ARMC9: variants seen among roughly 807,000 people sequenced by gnomAD.
ARMC9 encodes lisH domain-containing protein ARMC9.
In ARMC9, 94 loss-of-function variants were observed where a neutral mutation model predicts 107.0. That is an observed-to-expected ratio of 0.88 (90% CI 0.74 to 1.04). The LOEUF (loss-of-function observed/expected upper bound fraction) is 1.04, where lower values mean the gene tolerates loss of function less well. Among genes scored for constraint, ARMC9 ranks in the 50% least tolerant of loss-of-function variants. ARMC9 has a pLI of 0.00. For synonymous variants in ARMC9, 380 were observed against 396.9 expected (o/e 0.96, Z 0.51); for missense variants, 942 against 1,030.1 (o/e 0.91, Z 1.17).
Position 231,290,370 on chromosome 2 carries a change from C to T in ARMC9, c.1627-983C>T, listed in dbSNP as rs1033919481. Among the ~76,000 whole-genome samples the T allele has an allele frequency of 8.5e-5, 13 of 152,176 alleles. 1 individual carries two copies. The highest frequency in any genetic ancestry group is 3.1e-4 in the African/African-American group (13 of 41,442). On this transcript the variant is annotated intron_variant, in intron 17 of 24. Transcript: ENST00000611582. ...GTTAGAGCTATTGATTCCAAACTGG[C>T]CTACATAAAAAGAGAACTTGTTGGC...
intron 8 of ARMC9, among the ~76,000 whole-genome samples, chr2:231,236,118 TTGTC>T (rs773472692): frequency 1.3e-5 from 2 of 152,032 alleles, no homozygotes; most frequent in Non-Finnish European, 2.9e-5. Flanking sequence ...AAAGGATAAA[TTGTC>T]TGGCAACAGA....
chr2:231,365,845 C>G (rs1375009381), intron 23 of ARMC9, among the ~76,000 whole-genome samples: 2 of 152,128 alleles, frequency 1.3e-5, no homozygotes, highest in African/African-American at 4.8e-5. Context: ...GTCACCCAGG[C>G]TGGAGTGCAG....
chr2:231,300,886 G>T (rs952558587), intron 19 of ARMC9, among the ~76,000 whole-genome samples: 1 of 152,326 alleles, frequency 6.6e-6, no homozygotes, highest in East Asian at 1.9e-4. Flanking sequence ...AAGAGGAAGT[G>T]AGATGAGTTG....
intron 20 of ARMC9, among the ~76,000 whole-genome samples, chr2:231,339,105 A>G (rs1356172881): frequency 2.7e-5 from 4 of 150,754 alleles, no homozygotes; most frequent in Non-Finnish European, 5.9e-5. Flanking sequence ...CAAGGCGGGC[A>G]GATCACGAGG....
chr2:231,332,567 C>T (rs1437586691), intron 20 of ARMC9, among the ~76,000 whole-genome samples: 3 of 152,134 alleles, frequency 2.0e-5, no homozygotes, highest in South Asian at 2.1e-4. Flanking sequence ...CCCGTTGGCT[C>T]GGATGCTCAG....
intron 17 of ARMC9, among the ~76,000 whole-genome samples, chr2:231,284,555 C>T (rs1224158080): frequency 6.6e-6 from 1 of 152,230 alleles, no homozygotes; most frequent in Non-Finnish European, 1.5e-5. Flanking sequence ...CCCCTTGGGC[C>T]TCTCCATAAG....
intron 17 of ARMC9, chr2:231,288,771 T>C (rs1307483381): frequency 6.4e-6 from 3 of 469,516 alleles, no homozygotes; most frequent in African/African-American, 2.0e-5. Context: ...CTACGCACCG[T>C]GGTTTGACTC....
intron 7 of ARMC9, among the ~76,000 whole-genome samples, chr2:231,231,093 T>C (rs1037157470): frequency 2.0e-5 from 3 of 152,226 alleles, no homozygotes; most frequent in Non-Finnish European, 4.4e-5. Context: ...TAATCTCTTA[T>C]GTTTAGTAAA....
intron 24 of ARMC9, chr2:231,371,004 T>A (rs1168961598): frequency 6.6e-6 from 3 of 452,516 alleles, no homozygotes; most frequent in Admixed American, 4.7e-5. Flanking sequence ...TGGCCATGGC[T>A]GGGGAGCCAG....
chr2:231,345,234 G>C (rs1354837236), intron 21 of ARMC9, 144 bp downstream of exon 21: 7 of 1,431,584 alleles, frequency 4.9e-6, no homozygotes, highest in Non-Finnish European at 6.4e-6. Flanking sequence ...GATTTTTGGA[G>C]GGAAAGAGGT....
chr2:231,345,270 T>C, intron 21 of ARMC9, 180 bp downstream of exon 21: 2 of 1,195,920 alleles, frequency 1.7e-6, no homozygotes, highest in South Asian at 1.7e-5. Context: ...TCCCCCAGGA[T>C]TTTTTTATTC....
At chr2:231,332,421 C>T (rs1317662160) in intron 20 of ARMC9, among the ~76,000 whole-genome samples, 1 of 152,082 alleles carries the variant, frequency 6.6e-6, no homozygotes, top group African/African-American at 2.4e-5. Flanking sequence ...GTCACTGCGT[C>T]TTCAGGAGAA....
At chr2:231,238,650 G>C (rs1231445200) in intron 8 of ARMC9, among the ~76,000 whole-genome samples, 2 of 152,328 alleles carry the variant, frequency 1.3e-5, no homozygotes, top group East Asian at 3.9e-4. Flanking sequence ...ACTATGCCAG[G>C]CCTGAAAAAT....
At chr2:231,365,990 T>G (rs1349966364) in intron 23 of ARMC9, among the ~76,000 whole-genome samples, 5 of 152,034 alleles carry the variant, frequency 3.3e-5, no homozygotes, top group Non-Finnish European at 7.4e-5. Context: ...TTCCCACCCC[T>G]CACAGTCATG....
chr2:231,352,754 T>C (rs999090060), intron 21 of ARMC9, among the ~76,000 whole-genome samples: 7 of 144,626 alleles, frequency 4.8e-5, no homozygotes, highest in Non-Finnish European at 1.0e-4. Context: ...GGTAGGTAGG[T>C]AGACATAGAT....
chr2:231,358,382 G>A lies in ARMC9; in HGVS notation c.2132-2372G>A, dbSNP rs2045427181. 1.3e-5 allele frequency among the ~76,000 whole-genome samples: 2 copies of A among 151,996 alleles called. No individual in the cohort carries two copies. The highest frequency in any genetic ancestry group is 4.8e-5 in the African/African-American group (2 of 41,442). On this transcript the variant is annotated intron_variant, in intron 22 of 24. Coordinates refer to ENST00000611582, the MANE Select transcript of ARMC9 (RefSeq NM_001352754.2). The surrounding 1 kb of genome is among the most constrained non-coding windows in gnomAD (Gnocchi z 4.5). ...TGATTGATTGATTGATTGATTGATTGTAGAGAGAGGTGTCTCTCTGTGCTG... is the reference window on the plus strand; with the variant it reads ...TGATTGATTGATTGATTGATTGATTATAGAGAGAGGTGTCTCTCTGTGCTG...
At chr2:231,345,309 T>C (rs1002638341) in intron 21 of ARMC9, 10 of 778,396 alleles carry the variant, frequency 1.3e-5, no homozygotes, top group Non-Finnish European at 1.8e-5. Flanking sequence ...GATTACAGGA[T>C]CTCCAGGGCC....
chr2:231,231,877 CG>C (rs2035258404), intron 7 of ARMC9, among the ~76,000 whole-genome samples: 1 of 150,342 alleles, frequency 6.7e-6, no homozygotes, highest in Non-Finnish European at 1.5e-5. Flanking sequence ...TTAGTAGAGA[CG>C]GGGTTTCCCC....
At chr2:231,367,145 C>A (rs112063224) in intron 23 of ARMC9, among the ~76,000 whole-genome samples, 2,150 of 152,136 alleles carry the variant, frequency 0.014, 52 homozygotes, top group African/African-American at 0.048. Context: ...CCACCATGCC[C>A]GGCCAACAAA....
Sources: allele counts gnomAD v4.1 joint callset (sites outside exome capture counted in the v4.1 genomes callset), GRCh38; gene constraint gnomAD v4.1.1; non-coding constraint Gnocchi (gnomAD v3.1); transcripts MANE v1.5; gene names NCBI Gene and HGNC (gene_info 2026-07-23, HGNC 2026-07-21).